DHRS4: variants seen among roughly 807,000 people sequenced by gnomAD.
DHRS4 encodes the protein dehydrogenase/reductase SDR family member 4.
DHRS4 carries 20 observed loss-of-function variants against 28.4 expected under a neutral mutation model. That is an observed-to-expected ratio of 0.71 (90% CI 0.50 to 1.02). The LOEUF (loss-of-function observed/expected upper bound fraction) is 1.02, where lower values mean the gene tolerates loss of function less well. Ranked by LOEUF, DHRS4 falls within the 50% of genes least tolerant of loss-of-function variation. DHRS4 has a pLI of 0.00. For synonymous variants in DHRS4, 144 were observed against 146.4 expected, an observed-to-expected ratio of 0.98 and a Z score of 0.12; for missense variants, 378 against 367.2, an observed-to-expected ratio of 1.03 and a Z score of -0.24.
At chr14:23,959,091 T>G (rs2033295409) in intron 2 of DHRS4, among the ~76,000 whole-genome samples, 1 of 152,024 alleles carries the variant, frequency 6.6e-6, no homozygotes, top group African/African-American at 2.4e-5. Flanking sequence ...AACTGGACAG[T>G]AAGCACTTGG....
rs202125107 is a variant in DHRS4, at chr14:23,968,641, C to T, written c.723-116C>T. 1.8e-4 allele frequency: 272 copies of T among 1,531,986 alleles called. 5 individuals are homozygous for T. Among genetic ancestry groups the T allele is most frequent in the Admixed American group, 9.6e-4 (48 of 50,170 alleles). The allele number at this position is 1,531,986 out of a possible 1,614,324, so 94.9% of individuals were successfully genotyped here. A position where few individuals can be genotyped will look rare whatever the true frequency, so the allele number is the denominator to read the frequency against. On this transcript the variant is annotated intron_variant, in intron 7 of 7. Transcript: ENST00000313250. The stretch of plus-strand genomic sequence containing the variant: ...GATAGGCAGAAAGCTTGTACACTGA[C>T]CCTGAAAAAGCCATCTGATAATTCT...
chr14:23,953,817 G>C lies in DHRS4; in HGVS notation c.29G>C (p.Cys10Ser). Residue 10 changes from cysteine (C) to serine (S), a missense_variant, in exon 1 of 8, where the codon TGT (cysteine) becomes TCT (serine). By Grantham distance (112) the Cys-to-Ser change is moderately radical (BLOSUM62 -1). Coordinates refer to ENST00000313250, the MANE Select transcript of DHRS4 (RefSeq NM_021004.4). ...CACAAGGCGGGGCTGCTAGGCCTCTGTGCCCGGGCTTGGAATTCGGTGCGG... is the reference window on the plus strand; with the variant it reads ...CACAAGGCGGGGCTGCTAGGCCTCTCTGCCCGGGCTTGGAATTCGGTGCGG... MHKAGLLGL[C>S]ARAWNSVRMA... The C allele has an allele frequency of 6.2e-7, 1 of 1,614,144 alleles. No homozygotes were observed. Among genetic ancestry groups the C allele is most frequent in the African/African-American group, 1.3e-5 (1 of 75,058 alleles).
chr14:23,960,040 G>A (rs3742491), intron 3 of DHRS4, 37 bp downstream of exon 3: 192,392 of 1,575,890 alleles, frequency 0.12, 17,919 homozygotes, highest in East Asian at 0.49. Context: ...CGGGGGGGGC[G>A]CCTTGGAACA....
In DHRS4 at chr14:23,954,342, C is replaced by T. The variant is rs115428961; in HGVS notation, c.128+426C>T. ...CACCGGAAAGTCCCCCGGAACCCCT[C>T]CCCCTTACCTAGATGGGACACCAGA... On this transcript the variant is annotated intron_variant, in intron 1 of 7. Coordinates refer to ENST00000313250, the MANE Select transcript of DHRS4 (RefSeq NM_021004.4). 558 of 180,204 alleles carry T rather than the reference C, an allele frequency of 3.1e-3. 1 individual carries two copies. The highest frequency in any genetic ancestry group is 0.013 in the African/African-American group (530 of 42,262). 11.2% of individuals were successfully genotyped at this position (180,204 alleles called of 1,614,324 possible). A position where few individuals can be genotyped will look rare whatever the true frequency, so the allele number is the denominator to read the frequency against.
chr14:23,960,545 C>G lies in DHRS4; in HGVS notation c.408+542C>G, dbSNP rs183530088. Among the ~76,000 whole-genome samples, 3 of 152,084 alleles carry G rather than the reference C, an allele frequency of 2.0e-5. 1 individual carries two copies. The highest frequency in any genetic ancestry group is 7.2e-5 in the African/African-American group (3 of 41,436). Reference sequence around the variant, plus strand: ...TTCTTAACTGCAATGTCAAGAAAATCTGAGATCCAGATGTCTAAATTCAAG... The same window carrying G: ...TTCTTAACTGCAATGTCAAGAAAATGTGAGATCCAGATGTCTAAATTCAAG... On this transcript the variant is annotated intron_variant, in intron 3 of 7. Coordinates refer to ENST00000313250, the MANE Select transcript of DHRS4 (RefSeq NM_021004.4).
intron 5 of DHRS4, 80 bp downstream of exon 5, chr14:23,966,063 T>C: frequency 3.1e-6 from 5 of 1,606,510 alleles, no homozygotes; most frequent in Non-Finnish European, 4.3e-6. Flanking sequence ...CAAGGAAGTT[T>C]GTGTCCCCTT....
At chr14:23,959,080 G>A (rs554350189) in intron 2 of DHRS4, among the ~76,000 whole-genome samples, 10 of 152,266 alleles carry the variant, frequency 6.6e-5, no homozygotes, top group African/African-American at 2.4e-4. Flanking sequence ...TATTCAAGGA[G>A]AACTGGACAG....
At chr14:23,956,599 C>CT (rs1229716867) in intron 2 of DHRS4, among the ~76,000 whole-genome samples, 11,468 of 116,398 alleles carry the variant, frequency 0.099, 651 homozygotes, top group African/African-American at 0.13. Flanking sequence ...CCTCCATATC[C>CT]TTTTTTTTTT....
At position 23,955,137 on chromosome 14, in the gene DHRS4, G is replaced by C. The variant is rs4981491; in HGVS notation, c.231G>C (p.Gln77His). 2 of 1,532,804 alleles carry C rather than the reference G, an allele frequency of 1.3e-6. No individual in the cohort carries two copies. Among genetic ancestry groups the C allele is most frequent in the African/African-American group, 2.8e-5 (2 of 72,630 alleles). The allele number at this position is 1,532,804 out of a possible 1,614,324, so 95.0% of individuals were successfully genotyped here. A position where few individuals can be genotyped will look rare whatever the true frequency, so the allele number is the denominator to read the frequency against. Residue 77 changes from glutamine (Q) to histidine (H), a missense_variant, in exon 2 of 8, where the codon CAG becomes CAC. Transcript: ENST00000313250. Reference protein sequence around the residue: ...QNVDQAVATLQGEGLSVTGTV... With the variant: ...QNVDQAVATLHGEGLSVTGTV... ...TGGACCAGGCGGTGGCCACGCTGCAGGGGGAGGGGCTGAGCGTGACGGGCA... is the reference window on the plus strand; with the variant it reads ...TGGACCAGGCGGTGGCCACGCTGCACGGGGAGGGGCTGAGCGTGACGGGCA...
intron 3 of DHRS4, among the ~76,000 whole-genome samples, chr14:23,960,342 AC>A (rs1187445921): frequency 6.6e-6 from 1 of 151,970 alleles, no homozygotes; most frequent in Non-Finnish European, 1.5e-5. Flanking sequence ...CAACTACAAC[AC>A]TTAATTTACA....
At chr14:23,953,990 C>A in intron 1 of DHRS4, 74 bp downstream of exon 1, 1 of 1,535,634 alleles carries the variant, frequency 6.5e-7, no homozygotes. Flanking sequence ...CCTCGGCCTC[C>A]GGTGCCCCTG....
At chr14:23,954,535 G>A (rs905279029) in intron 1 of DHRS4, among the ~76,000 whole-genome samples, 1 of 152,226 alleles carries the variant, frequency 6.6e-6, no homozygotes, top group Non-Finnish European at 1.5e-5. Context: ...GCTAATAGCT[G>A]ACAAATGCAA....
Position 23,968,897 on chromosome 14 carries a change from G to C in DHRS4, c.*26G>C, listed in dbSNP as rs375763714. On this transcript the variant is annotated 3_prime_UTR_variant, in exon 8 of 8. Transcript: ENST00000313250. ...GGACCGGGAGACAGCCCACAGGCCA[G>C]AGTTGGGCTCTAGCTCCTGGTGCTG... 1,094 of 1,605,562 alleles carry C rather than the reference G, an allele frequency of 6.8e-4. 9 individuals carry two copies. In the East Asian group the frequency reaches 0.014, roughly 20 times the overall value.
At position 23,966,426 on chromosome 14, in the gene DHRS4, G is replaced by T. The variant is rs756319331; in HGVS notation, c.666+9G>T. The T allele has an allele frequency of 3.7e-6, 6 of 1,613,410 alleles. No individual in the cohort carries two copies. The highest frequency in any genetic ancestry group is 1.3e-5 in the African/African-American group (1 of 74,698). The stretch of plus-strand genomic sequence containing the variant: ...CTAGCTTCAGCAGGATGGTGAGGAA[G>T]GGGAGCTTTGCATTTGACTGGGACC... On this transcript the variant is annotated intron_variant, in intron 6 of 7. Transcript: ENST00000313250.
chr14:23,965,417 G>A lies in DHRS4; in HGVS notation c.409-345G>A, dbSNP rs1246865106. Among the ~76,000 whole-genome samples, 5 of 89,318 alleles carry A rather than the reference G, an allele frequency of 5.6e-5. 1 individual carries two copies. Among genetic ancestry groups the A allele is most frequent in the African/African-American group, 4.2e-4 (5 of 11,922 alleles). The allele number at this position is 89,318 out of a possible 152,430, so 58.6% of individuals were successfully genotyped here. On this transcript the variant is annotated intron_variant, in intron 3 of 7. Transcript: ENST00000313250. Reference sequence around the variant, plus strand: ...CAGGTAGTCTAGGGCAGGTCCAGGAGGCTGACAATTCCAGGCTCTACCTAC... The same window carrying A: ...CAGGTAGTCTAGGGCAGGTCCAGGAAGCTGACAATTCCAGGCTCTACCTAC...
intron 6 of DHRS4, among the ~76,000 whole-genome samples, 164 bp from the exon 7 acceptor site, chr14:23,967,047 C>G (rs111644370): frequency 1.3e-5 from 2 of 151,960 alleles, no homozygotes; most frequent in African/African-American, 4.8e-5. Context: ...CCCAGCTACT[C>G]GGGAGGCTGA....
chr14:23,955,939 A>G lies in DHRS4; in HGVS notation c.306+727A>G, dbSNP rs2033122150. Among the ~76,000 whole-genome samples the G allele has an allele frequency of 2.0e-5, 3 of 152,254 alleles. No homozygotes were observed. The South Asian group carries it at 6.2e-4, about 31-fold the overall frequency. ...CCTCTTCCCTTGAGGCTCACGGCAT[A>G]CACTTTATTTCCCAGAGTGGAAGGG... On this transcript the variant is annotated intron_variant, in intron 2 of 7. Coordinates refer to ENST00000313250, the MANE Select transcript of DHRS4 (RefSeq NM_021004.4).
rs868138616 is a variant in DHRS4 at position 23,957,474 on chromosome 14, A to G, written c.306+2262A>G. ...ATTATATTTTTTCTTAAAAATGTATAACTATCAGAACACAGAACAAACAGC... is the reference window on the plus strand; with the variant it reads ...ATTATATTTTTTCTTAAAAATGTATGACTATCAGAACACAGAACAAACAGC... On this transcript the variant is annotated intron_variant, in intron 2 of 7. Transcript: ENST00000313250. Among the ~76,000 whole-genome samples, 4 of 152,008 alleles carry G rather than the reference A, an allele frequency of 2.6e-5. No homozygotes were observed. In the South Asian group the frequency reaches 8.3e-4, roughly 31 times the overall value.
intron 7 of DHRS4, 56 bp from the exon 8 acceptor site, chr14:23,968,701 G>C: frequency 6.3e-7 from 1 of 1,594,422 alleles, no homozygotes; most frequent in Non-Finnish European, 8.5e-7. Context: ...TGTCCCAGGT[G>C]AGGGAGGCAG....
Sources: allele counts gnomAD v4.1 joint callset (sites outside exome capture counted in the v4.1 genomes callset), GRCh38; gene constraint gnomAD v4.1.1; transcripts MANE v1.5; gene names NCBI Gene and HGNC (gene_info 2026-07-23, HGNC 2026-07-21).